The following RAPGEF1 variants were observed in gnomAD, a reference collection of about 807,000 sequenced individuals.
The protein encoded by RAPGEF1 is Rap guanine nucleotide exchange factor 1.
A neutral mutation model predicts 143.3 loss-of-function variants in RAPGEF1; 33 were observed. The ratio of observed to expected loss-of-function variants is 0.23; its 90% confidence interval spans 0.17 to 0.31. The LOEUF is 0.31. Among genes scored for constraint, RAPGEF1 ranks in the 10% least tolerant of loss-of-function variants. RAPGEF1 has a pLI of 1.00. For missense variants in RAPGEF1, 1,199 were observed against 1,645.4 expected (o/e 0.73, Z 4.69); for synonymous variants, 629 against 676.5 (o/e 0.93, Z 1.09).
At chr9:131,678,804 G>A (rs1832665197) in intron 1 of RAPGEF1, among the ~76,000 whole-genome samples, 1 of 152,126 alleles carries the variant, frequency 6.6e-6, no homozygotes, top group African/African-American at 2.4e-5. Flanking sequence ...CTCCATGATG[G>A]GGGGTGCCGG....
At chr9:131,637,202 G>A (rs1224488625) in intron 5 of RAPGEF1, among the ~76,000 whole-genome samples, 2 of 151,712 alleles carry the variant, frequency 1.3e-5, no homozygotes, top group Non-Finnish European at 2.9e-5. Flanking sequence ...TCCAGCCTGG[G>A]TGACAGAGTG....
chr9:131,715,286 A>G (rs1835783065), intron 1 of RAPGEF1, among the ~76,000 whole-genome samples: 1 of 152,136 alleles, frequency 6.6e-6, no homozygotes. Context: ...TGGGGGACGC[A>G]TGTCTAGCAG....
Position 131,621,855 on chromosome 9 carries a change from C to T in RAPGEF1, c.1846G>A (p.Val616Met). Reference sequence around the variant, plus strand: ...GGGGCCAGCTCCTGCACGGAGTCCACCCCACTGAAGGAGTCGCTGAAGCCG... The same window carrying T: ...GGGGCCAGCTCCTGCACGGAGTCCATCCCACTGAAGGAGTCGCTGAAGCCG... ...VYGFSDSFSGVDSVQELAPPP... is the reference protein window; with the variant it reads ...VYGFSDSFSGMDSVQELAPPP... Residue 616 changes from valine to methionine, a missense_variant, in exon 11 of 27, where the codon GTG (valine) becomes ATG (methionine). Around this residue, in one of 6 missense-constraint regions of RAPGEF1, gnomAD observed 293 missense variants for 356.2 expected, o/e 0.82. Transcript: ENST00000683357. This position sits in a 1 kb window ranked among gnomAD's most constrained non-coding sequence, Gnocchi z 4.5. 1 of 1,611,870 alleles carries T rather than the reference C, an allele frequency of 6.2e-7. No individual in the cohort carries two copies.
chr9:131,731,221 G>A (rs1238348580), intron 1 of RAPGEF1, among the ~76,000 whole-genome samples: 2 of 152,170 alleles, frequency 1.3e-5, no homozygotes, highest in African/African-American at 2.4e-5. Flanking sequence ...GCAACCACAA[G>A]TGTAAAATAT....
intron 7 of RAPGEF1, 45 bp downstream of exon 7, chr9:131,629,057 C>G (rs925897592): frequency 6.3e-7 from 1 of 1,584,452 alleles, no homozygotes; most frequent in Non-Finnish European, 8.6e-7. Context: ...CCCTTTCTTT[C>G]TCATTCTGCC....
intron 3 of RAPGEF1, among the ~76,000 whole-genome samples, chr9:131,649,018 T>C (rs1292555163): frequency 1.3e-5 from 2 of 152,046 alleles, no homozygotes; most frequent in African/African-American, 4.8e-5. Context: ...TTATTTTACA[T>C]TGCTAAGTTT....
In RAPGEF1 at chr9:131,586,387, G is replaced by C. The variant is rs1055329037; in HGVS notation, c.3233+1349C>G. ...ACACACACACACCCACCTGCAGAGC[G>C]AGACTCCGTCTCAAACACACACACA... is the stretch of plus-strand genomic sequence containing the variant. On this transcript the variant is annotated intron_variant, in intron 22 of 26. Transcript: ENST00000683357. Among the ~76,000 whole-genome samples the C allele has an allele frequency of 4.5e-3, 358 of 79,594 alleles. 7 individuals carry two copies. Among genetic ancestry groups the C allele is most frequent in the African/African-American group, 6.5e-3 (114 of 17,532 alleles). The allele number at this position is 79,594 out of a possible 152,430, so 52.2% of individuals were successfully genotyped here.
intron 1 of RAPGEF1, among the ~76,000 whole-genome samples, chr9:131,677,886 C>T (rs908339142): frequency 2.6e-5 from 4 of 152,184 alleles, no homozygotes; most frequent in Non-Finnish European, 4.4e-5. Flanking sequence ...CAGGCCAGAA[C>T]TAAATTCTCC....
chr9:131,709,697 G>A (rs369650947), intron 1 of RAPGEF1: 28 of 1,613,820 alleles, frequency 1.7e-5, no homozygotes, highest in Admixed American at 5.0e-5. Flanking sequence ...AAAGCCAGAG[G>A]ACACAGGGCC....
At chr9:131,689,785 G>A (rs533904120) in intron 1 of RAPGEF1, among the ~76,000 whole-genome samples, 3 of 152,286 alleles carry the variant, frequency 2.0e-5, no homozygotes, top group South Asian at 4.1e-4. Flanking sequence ...CAATCCGACC[G>A]CCTCGGCCTC....
At chr9:131,606,650 TTTTTG>T (rs1957166699) in intron 12 of RAPGEF1, among the ~76,000 whole-genome samples, 1 of 152,104 alleles carries the variant, frequency 6.6e-6, no homozygotes, top group African/African-American at 2.4e-5. Flanking sequence ...CTTAAGTAGT[TTTTTG>T]TTTTCTCTTT....
At chr9:131,694,708 C>G (rs1219726454) in intron 1 of RAPGEF1, among the ~76,000 whole-genome samples, 1 of 151,872 alleles carries the variant, frequency 6.6e-6, no homozygotes, top group Non-Finnish European at 1.5e-5. Context: ...CGGACACTCT[C>G]TTTAGCTCTG....
intron 1 of RAPGEF1, among the ~76,000 whole-genome samples, chr9:131,681,903 A>T (rs898812576): frequency 2.6e-5 from 4 of 152,222 alleles, no homozygotes; most frequent in African/African-American, 9.6e-5. Context: ...TCTTAAAAAG[A>T]TGACTGCAGA....
In RAPGEF1 at chr9:131,604,014, C is replaced by T. The variant is rs1173940349; in HGVS notation, c.2359G>A (p.Val787Ile). Residue 787 changes from valine (V) to isoleucine (I), a missense_variant, in exon 14 of 27, where the codon GTC becomes ATC. Val to Ile is a conservative substitution (Grantham distance 29). Coordinates refer to ENST00000683357, the MANE Select transcript of RAPGEF1 (RefSeq NM_001377935.1). ...ASEEAGEGEY[V>I]NLYSSGQSSE... is the part of the protein sequence containing the mutation. ...CTCTGGCCAGAGGAATACAGATTGA[C>T]ATATTCACCCTCACCAGCTTCCTCA... 3.0e-6 allele frequency: 4 copies of T among 1,341,150 alleles called. No individual in the cohort carries two copies. In the East Asian group the frequency reaches 1.9e-4, roughly 63 times the overall value. 83.1% of individuals were successfully genotyped at this position (1,341,150 alleles called of 1,614,324 possible).
chr9:131,596,643 C>A (rs761624153), intron 16 of RAPGEF1, among the ~76,000 whole-genome samples: 1 of 152,160 alleles, frequency 6.6e-6, no homozygotes, highest in Non-Finnish European at 1.5e-5. Flanking sequence ...GGCACCAGGG[C>A]ATGCCACTGT....
intron 1 of RAPGEF1, among the ~76,000 whole-genome samples, chr9:131,651,302 G>C (rs1332868429): frequency 6.6e-6 from 1 of 152,216 alleles, no homozygotes; most frequent in Admixed American, 6.5e-5. Flanking sequence ...TGTAGGATGT[G>C]AGAACTGGAA....
Position 131,579,082 on chromosome 9 carries a change from T to C in RAPGEF1, c.*415A>G. Reference sequence around the variant, plus strand: ...CAGGAGGCCTCCACTCATTTGAGATTTCAGAAGATTCAGGGACCCTGGAGC... The same window carrying C: ...CAGGAGGCCTCCACTCATTTGAGATCTCAGAAGATTCAGGGACCCTGGAGC... On this transcript the variant is annotated 3_prime_UTR_variant, in exon 27 of 27. Transcript: ENST00000683357. 1 of 170,388 alleles carries C rather than the reference T, an allele frequency of 5.9e-6. No homozygotes were observed. Among genetic ancestry groups the C allele is most frequent in the South Asian group, 1.4e-4 (1 of 7,288 alleles). The allele number at this position is 170,388 out of a possible 1,614,324, so 10.6% of individuals were successfully genotyped here.
chr9:131,580,286 G>A lies in RAPGEF1; in HGVS notation c.3618C>T (p.Asp1206=). 6.2e-7 allele frequency: 1 copy of A among 1,614,026 alleles called. No individual in the cohort carries two copies. Among genetic ancestry groups the A allele is most frequent in the Non-Finnish European group, 8.5e-7 (1 of 1,179,872 alleles). The change falls in exon 26 of 27, where the codon GAC becomes GAT. Residue 1206 remains aspartate, a synonymous_variant. Transcript: ENST00000683357. ...SKRWQQFNIL[D]SMRCFQQAHY... is the part of the protein sequence containing the mutation. ...ACGCCTGCTGGAAGCAGCGCATGCT[G>A]TCGAGGATGTTGAACTGCTGCCACC...
intron 1 of RAPGEF1, among the ~76,000 whole-genome samples, chr9:131,653,472 T>C (rs1207422389): frequency 1.3e-5 from 2 of 152,168 alleles, no homozygotes; most frequent in East Asian, 1.9e-4. Context: ...ATAAAAGGCA[T>C]GTAACCCAAT....
Sources: allele counts gnomAD v4.1 joint callset (sites outside exome capture counted in the v4.1 genomes callset), GRCh38; gene constraint gnomAD v4.1.1; regional missense constraint gnomAD v4.1.1; non-coding constraint Gnocchi (gnomAD v3.1); transcripts MANE v1.5; gene names NCBI Gene and HGNC (gene_info 2026-07-23, HGNC 2026-07-21).